Variants in AGGF1 observed in about 807,000 individuals in gnomAD.
AGGF1 encodes angiogenic factor with G-patch and FHA domains 1, also known as angiogenic factor with G patch and FHA domains 1.
AGGF1 carries 56 observed loss-of-function variants against 86.5 expected under a neutral mutation model. That is an observed-to-expected ratio of 0.65 (90% CI 0.52 to 0.81). The LOEUF (loss-of-function observed/expected upper bound fraction) is 0.81, where lower values mean the gene tolerates loss of function less well. Among genes scored for constraint, AGGF1 ranks in the 30% least tolerant of loss-of-function variants. The pLI, the probability that AGGF1 is intolerant of heterozygous loss-of-function variation, is 0.00. For missense variants in AGGF1, 816 were observed against 850.9 expected, an observed-to-expected ratio of 0.96 and a Z score of 0.51; for synonymous variants, 313 against 297.1, an observed-to-expected ratio of 1.05 and a Z score of -0.55.
chr5:77,034,585 T>G lies in AGGF1; in HGVS notation c.313+65T>G, dbSNP rs979595742. On this transcript the variant is annotated intron_variant, in intron 2 of 13. Coordinates refer to ENST00000312916, the MANE Select transcript of AGGF1 (RefSeq NM_018046.5). Reference sequence around the variant, plus strand: ...TTCAAATCATGCTAATGTTGCGTTTTCTTTTAATTTAAAATAAACAAAGAT... The same window carrying G: ...TTCAAATCATGCTAATGTTGCGTTTGCTTTTAATTTAAAATAAACAAAGAT... The G allele has an allele frequency of 1.3e-5, 15 of 1,124,084 alleles. No individual in the cohort carries two copies. In the Admixed American group the frequency reaches 2.4e-4, roughly 18 times the overall value. 69.6% of individuals were successfully genotyped at this position (1,124,084 alleles called of 1,614,324 possible).
At chr5:77,042,150 A>T (rs1160291541) in intron 5 of AGGF1, among the ~76,000 whole-genome samples, 1 of 151,978 alleles carries the variant, frequency 6.6e-6, no homozygotes, top group East Asian at 1.9e-4. Flanking sequence ...GATCAACAGG[A>T]TCCCAAGGCA....
chr5:77,034,457 G>T lies in AGGF1; in HGVS notation c.250G>T (p.Glu84Ter). 6.2e-7 allele frequency: 1 copy of T among 1,613,586 alleles called. No individual in the cohort carries two copies. Among genetic ancestry groups the T allele is most frequent in the African/African-American group, 1.3e-5 (1 of 75,024 alleles). The change falls in exon 2 of 14, where the codon GAA becomes TAA. Residue 84 changes from glutamate (E) to a stop codon, truncating the protein, a stop_gained. Coordinates refer to ENST00000312916, the MANE Select transcript of AGGF1 (RefSeq NM_018046.5). LOFTEE classifies it high-confidence loss of function. Reference sequence around the variant, plus strand: ...TAAAATACTCCAACGTGGGAGAAATGAAGATAATAAAAAGTCTGATGTAGA... The same window carrying T: ...TAAAATACTCCAACGTGGGAGAAATTAAGATAATAAAAAGTCTGATGTAGA... ...LSKILQRGRN[E>*]DNKKSDVEVQ...
Position 77,030,925 on chromosome 5 carries a change from A to G in AGGF1, c.159A>G (p.Thr53=), listed in dbSNP as rs764485837. Reference sequence around the variant, plus strand: ...AGATCGAGAAGCTGCTGCATCACACAGAACGGCTGTACCAGAACGCAGAAA... The same window carrying G: ...AGATCGAGAAGCTGCTGCATCACACGGAACGGCTGTACCAGAACGCAGAAA... ...VREIEKLLHH[T]ERLYQNAESN... The change falls in exon 1 of 14, where the codon ACA becomes ACG. Residue 53 remains threonine, a synonymous_variant. Coordinates refer to ENST00000312916, the MANE Select transcript of AGGF1 (RefSeq NM_018046.5). 6 of 1,613,198 alleles carry G rather than the reference A, an allele frequency of 3.7e-6. No homozygotes were observed. In the African/African-American group the frequency reaches 6.7e-5, roughly 18 times the overall value.
intron 12 of AGGF1, among the ~76,000 whole-genome samples, 172 bp from the exon 13 acceptor site, chr5:77,061,531 C>T (rs991078494): frequency 2.0e-5 from 3 of 152,196 alleles, no homozygotes; most frequent in African/African-American, 7.2e-5. Context: ...CATGCACATG[C>T]TTTTCTAAGT....
intron 2 of AGGF1, 60 bp downstream of exon 2, chr5:77,034,580 C>T (rs745910340): frequency 1.0e-4 from 121 of 1,165,044 alleles, no homozygotes; most frequent in African/African-American, 3.6e-4. Flanking sequence ...GCTAATGTTG[C>T]GTTTTCTTTT....
At chr5:77,056,940 G>A (rs1747472335) in intron 11 of AGGF1, among the ~76,000 whole-genome samples, 1 of 152,062 alleles carries the variant, frequency 6.6e-6, no homozygotes, top group Admixed American at 6.6e-5. Context: ...GTTAAAAAAT[G>A]GGCCAAAGAT....
At chr5:77,038,094 CATAAG>C (rs1479751816) in intron 4 of AGGF1, among the ~76,000 whole-genome samples, 1 of 152,084 alleles carries the variant, frequency 6.6e-6, no homozygotes, top group Non-Finnish European at 1.5e-5. Context: ...ATCTAGAGAA[CATAAG>C]ATAATACTAA....
Position 77,053,973 on chromosome 5 carries a change from T to G in AGGF1, c.1476T>G (p.Thr492=). ...VNGKQILQPK[T]KCDPYVLEHG... is the part of the protein sequence containing the mutation. ...AAATGTTTCCCCTCTAGCCGAAAAC[T>G]AAATGTGACCCTTACGTACTTGAGC... The change falls in exon 10 of 14, where the codon ACT becomes ACG. Residue 492 remains threonine (T), a synonymous_variant. Coordinates refer to ENST00000312916, the MANE Select transcript of AGGF1 (RefSeq NM_018046.5). 6.2e-7 allele frequency: 1 copy of G among 1,614,176 alleles called. No individual in the cohort carries two copies. Among genetic ancestry groups the G allele is most frequent in the Non-Finnish European group, 8.5e-7 (1 of 1,180,028 alleles).
chr5:77,057,412 A>C (rs920679439), intron 11 of AGGF1, among the ~76,000 whole-genome samples: 1 of 152,216 alleles, frequency 6.6e-6, no homozygotes, highest in African/African-American at 2.4e-5. Context: ...ACTACTTAGC[A>C]ATAAAAAAGC....
chr5:77,041,740 T>C (rs1181841428), intron 5 of AGGF1, among the ~76,000 whole-genome samples: 1 of 151,370 alleles, frequency 6.6e-6, no homozygotes, highest in East Asian at 1.9e-4. Flanking sequence ...TACTCATCTT[T>C]GCCATTCTTC....
rs1434464648 is a variant in AGGF1, at chr5:77,063,717, A to G, written c.*465A>G. ...CCTAGGTAAAAAATGTTGCGAAAAC[A>G]TGGGTAGTGGCGCATACATTTTGTT... On this transcript the variant is annotated 3_prime_UTR_variant, in exon 14 of 14. Transcript: ENST00000312916. 1.2e-5 allele frequency: 2 copies of G among 170,770 alleles called. No homozygotes were observed. The highest frequency in any genetic ancestry group is 1.7e-4 in the East Asian group (1 of 5,802). The allele number at this position is 170,770 out of a possible 1,614,324, so 10.6% of individuals were successfully genotyped here. A position where few individuals can be genotyped will look rare whatever the true frequency, so the allele number is the denominator to read the frequency against.
chr5:77,062,255 C>T (rs61456533), intron 13 of AGGF1, among the ~76,000 whole-genome samples: 4,906 of 152,198 alleles, frequency 0.032, 238 homozygotes, highest in African/African-American at 0.11. Context: ...TCCCATGGTT[C>T]GTAGGAGGTT....
In AGGF1 at chr5:77,064,501, C is replaced by T. The variant is rs879022347; in HGVS notation, c.*1249C>T. 2.0e-5 allele frequency: 3 copies of T among 152,082 alleles called. No individual in the cohort carries two copies. The highest frequency in any genetic ancestry group is 2.1e-4 in the South Asian group (1 of 4,820). 9.4% of individuals were successfully genotyped at this position (152,082 alleles called of 1,614,324 possible). A position where few individuals can be genotyped will look rare whatever the true frequency, so the allele number is the denominator to read the frequency against. On this transcript the variant is annotated 3_prime_UTR_variant, in exon 14 of 14. Coordinates refer to ENST00000312916, the MANE Select transcript of AGGF1 (RefSeq NM_018046.5). Reference sequence around the variant, plus strand: ...CAGTCTAAATGGCACAGGGTAGTTACGGAGAAAAGGGGATGGAGAAGGAGA... The same window carrying T: ...CAGTCTAAATGGCACAGGGTAGTTATGGAGAAAAGGGGATGGAGAAGGAGA...
chr5:77,048,241 A>T lies in AGGF1; in HGVS notation c.1282A>T (p.Ile428Phe). Reference sequence around the variant, plus strand: ...GTTGCAGATAGGATCACTCTTTATCATTACTGCTGTAAACCCTGCTACAAT... The same window carrying T: ...GTTGCAGATAGGATCACTCTTTATCTTTACTGCTGTAAACCCTGCTACAAT... ...PVLQIGSLFI[I>F]TAVNPATIGR... The change falls in exon 7 of 14, where the codon ATT becomes TTT. Residue 428 changes from isoleucine (I) to phenylalanine (F), a missense_variant. By Grantham distance (21) the Ile-to-Phe change is conservative. Coordinates refer to ENST00000312916, the MANE Select transcript of AGGF1 (RefSeq NM_018046.5). 1 of 1,613,016 alleles carries T rather than the reference A, an allele frequency of 6.2e-7. No homozygotes were observed. The highest frequency in any genetic ancestry group is 8.5e-7 in the Non-Finnish European group (1 of 1,179,092).
In AGGF1 at chr5:77,039,601, A is replaced by G. The variant is rs1212820358; in HGVS notation, c.752A>G (p.Gln251Arg). Residue 251 changes from glutamine to arginine, a missense_variant, in exon 5 of 14, where the codon CAG becomes CGG. Physicochemically the swap from Gln to Arg is conservative, Grantham distance 43 (BLOSUM62 1). This residue lies in a region of AGGF1 where 565 missense variants were observed against 585.8 expected (regional missense o/e 0.96). Coordinates refer to ENST00000312916, the MANE Select transcript of AGGF1 (RefSeq NM_018046.5). ...TGTGATGTGGAAAGTGGTCGTTATC[A>G]GTTTCATTCTCGAGTAGATTTGCAA... ...YYCDVESGRY[Q>R]FHSRVDLQPY... The G allele has an allele frequency of 6.2e-7, 1 of 1,613,282 alleles. No individual in the cohort carries two copies. The highest frequency in any genetic ancestry group is 2.2e-5 in the East Asian group (1 of 44,748).
At chr5:77,054,522 G>T (rs1192789398) in intron 10 of AGGF1, among the ~76,000 whole-genome samples, 1 of 152,174 alleles carries the variant, frequency 6.6e-6, no homozygotes, top group Non-Finnish European at 1.5e-5. Context: ...TGTAGTGGTA[G>T]TCAAATGTAC....
intron 10 of AGGF1, among the ~76,000 whole-genome samples, chr5:77,054,362 A>T (rs1191978684): frequency 2.0e-5 from 3 of 152,242 alleles, no homozygotes; most frequent in Admixed American, 2.0e-4. Flanking sequence ...TTGGAAGTTG[A>T]GACCTAGGCT....
chr5:77,061,833 T>C, intron 13 of AGGF1, 31 bp downstream of exon 13: 1 of 1,580,784 alleles, frequency 6.3e-7, no homozygotes, highest in Non-Finnish European at 8.7e-7. Flanking sequence ...TATTCATTTA[T>C]TCCTAGAGCA....
intron 1 of AGGF1, among the ~76,000 whole-genome samples, chr5:77,032,236 G>A (rs1746867907): frequency 1.2e-5 from 1 of 82,900 alleles, no homozygotes; most frequent in East Asian, 3.5e-4. Context: ...ACTATGCTAG[G>A]AAAATACAAA....
Sources: gnomAD v4.1 joint callset for allele counts (sites outside exome capture counted in the v4.1 genomes callset) on GRCh38, gnomAD v4.1.1 for gene constraint, gnomAD v4.1.1 regional missense constraint, MANE v1.5 for transcripts, NCBI Gene and HGNC (gene_info 2026-07-23, HGNC 2026-07-21) for gene names.